OSBPL10: variants seen among roughly 807,000 people sequenced by gnomAD.
OSBPL10 encodes the protein oxysterol binding protein like 10.
In OSBPL10, 49 loss-of-function variants were observed where a neutral mutation model predicts 81.7. That is an observed-to-expected ratio of 0.60 (90% CI 0.48 to 0.76). OSBPL10 has a LOEUF of 0.76. Ranked by LOEUF, OSBPL10 falls within the 30% of genes least tolerant of loss-of-function variation. The pLI, the probability that OSBPL10 is intolerant of heterozygous loss-of-function variation, is 0.00. For missense variants in OSBPL10, 923 were observed against 987.8 expected, an observed-to-expected ratio of 0.93 and a Z score of 0.88; for synonymous variants, 419 against 383.6, an observed-to-expected ratio of 1.09 and a Z score of -1.08.
At chr3:31,803,547 C>T (rs1183358944) in intron 4 of OSBPL10, among the ~76,000 whole-genome samples, 3 of 152,148 alleles carry the variant, frequency 2.0e-5, no homozygotes, top group Non-Finnish European at 4.4e-5. Context: ...TTTTTGTATA[C>T]CCTTTGCGCA....
chr3:32,005,481 A>G (rs1364731473), intron 2 of OSBPL10, among the ~76,000 whole-genome samples: 2 of 152,118 alleles, frequency 1.3e-5, no homozygotes, highest in Non-Finnish European at 2.9e-5. Context: ...ACCCAGGAGT[A>G]GGCTAAATAA....
At chr3:31,892,115 C>T (rs1436913408) in intron 1 of OSBPL10, among the ~76,000 whole-genome samples, 1 of 151,706 alleles carries the variant, frequency 6.6e-6, no homozygotes, top group African/African-American at 2.4e-5. Context: ...TGTCTGGAGA[C>T]GGAGGAACTG....
At chr3:31,865,852 T>C (rs979122463) in intron 3 of OSBPL10, among the ~76,000 whole-genome samples, 1 of 152,234 alleles carries the variant, frequency 6.6e-6, no homozygotes, top group Non-Finnish European at 1.5e-5. Context: ...TTGGGTGTTG[T>C]TTTGAGTAGA....
chr3:31,991,692 C>T (rs1396603860), intron 2 of OSBPL10: 1 of 161,588 alleles, frequency 6.2e-6, no homozygotes, highest in African/African-American at 2.4e-5. Flanking sequence ...CAAACAAATA[C>T]AATTTTACTT....
At chr3:32,068,407 C>G (rs1345579276) in intron 1 of OSBPL10, among the ~76,000 whole-genome samples, 1 of 152,128 alleles carries the variant, frequency 6.6e-6, no homozygotes, top group Non-Finnish European at 1.5e-5. Context: ...CCCAGGGCTG[C>G]TCCCCACCCC....
chr3:31,820,757 T>G (rs1699964601), intron 4 of OSBPL10, among the ~76,000 whole-genome samples: 1 of 152,142 alleles, frequency 6.6e-6, no homozygotes, highest in Non-Finnish European at 1.5e-5. Flanking sequence ...CCCCCTTGCT[T>G]CTGCTTTGGG....
At chr3:31,683,114 A>G (rs970180803) in intron 8 of OSBPL10, among the ~76,000 whole-genome samples, 2 of 152,238 alleles carry the variant, frequency 1.3e-5, no homozygotes, top group African/African-American at 4.8e-5. Flanking sequence ...CTATTTGCTA[A>G]AATAAGAATG....
intron 3 of OSBPL10, among the ~76,000 whole-genome samples, chr3:31,832,365 T>A (rs1700266536): frequency 6.6e-6 from 1 of 152,208 alleles, no homozygotes; most frequent in Admixed American, 6.5e-5. Context: ...ACGTATGTAT[T>A]CCCTATTGAA....
intron 3 of OSBPL10, among the ~76,000 whole-genome samples, chr3:31,838,508 C>CAAAAAA (rs60893746): frequency 1.0e-5 from 1 of 95,708 alleles, no homozygotes; most frequent in Non-Finnish European, 2.0e-5. Flanking sequence ...AAGACTCTGT[C>CAAAAAA]AAAAAAAAAA....
intron 1 of OSBPL10, among the ~76,000 whole-genome samples, chr3:31,941,058 T>C (rs1349379015): frequency 6.6e-6 from 1 of 152,178 alleles, no homozygotes; most frequent in South Asian, 2.1e-4. Flanking sequence ...GAATGGTAAA[T>C]GTACTCAACG....
At chr3:31,698,569 A>T (rs1471206169) in intron 7 of OSBPL10, among the ~76,000 whole-genome samples, 1 of 152,170 alleles carries the variant, frequency 6.6e-6, no homozygotes, top group East Asian at 1.9e-4. Context: ...ACAATATCCT[A>T]AACGGCCCTA....
intron 4 of OSBPL10, among the ~76,000 whole-genome samples, chr3:31,769,996 T>G (rs1698329083): frequency 6.6e-6 from 1 of 152,174 alleles, no homozygotes; most frequent in African/African-American, 2.4e-5. Context: ...ATGACAAGGT[T>G]CTGCCTGTAC....
In OSBPL10 at chr3:31,840,038, G is replaced by C. The variant is rs141227197; in HGVS notation, c.538-9807C>G. On this transcript the variant is annotated intron_variant, in intron 3 of 11. Transcript: ENST00000396556. ...AAAATTATATTACTACTGCCCTGAA[G>C]ATGGGCTTTTCATGATTTATTCTAT... 4.1e-3 allele frequency among the ~76,000 whole-genome samples: 625 copies of C among 151,162 alleles called. 6 individuals carry two copies. Among genetic ancestry groups the C allele is most frequent in the African/African-American group, 0.014 (592 of 41,322 alleles).
intron 2 of OSBPL10, among the ~76,000 whole-genome samples, chr3:32,010,359 G>C (rs974708169): frequency 5.3e-5 from 8 of 152,082 alleles, no homozygotes; most frequent in African/African-American, 1.9e-4. Flanking sequence ...TTTTTTCATG[G>C]CAGCCCTAGC....
At chr3:31,812,774 GA>G (rs1268171090) in intron 4 of OSBPL10, among the ~76,000 whole-genome samples, 4 of 37,282 alleles carry the variant, frequency 1.1e-4, no homozygotes, top group Admixed American at 4.1e-4. Flanking sequence ...AAGAAAGAAA[GA>G]AAGAAAGAAA....
At chr3:31,923,978 G>A (rs62243044) in intron 1 of OSBPL10, among the ~76,000 whole-genome samples, 17,384 of 152,116 alleles carry the variant, frequency 0.11, 1,126 homozygotes, top group Middle Eastern at 0.17. Flanking sequence ...CAGCACTTTA[G>A]GAGGCTGAGG....
chr3:31,955,931 G>T (rs1047612100), intron 1 of OSBPL10, among the ~76,000 whole-genome samples: 1 of 151,502 alleles, frequency 6.6e-6, no homozygotes, highest in Non-Finnish European at 1.5e-5. Flanking sequence ...TGATTCCTTG[G>T]AGCAGTTATA....
chr3:31,781,475 A>G (rs961198080), intron 4 of OSBPL10, among the ~76,000 whole-genome samples: 3 of 152,174 alleles, frequency 2.0e-5, no homozygotes, highest in Non-Finnish European at 4.4e-5. Context: ...CAATCAGACA[A>G]GGGAAAGAAA....
chr3:32,028,843 TC>T (rs1699439477), intron 2 of OSBPL10, among the ~76,000 whole-genome samples: 1 of 151,820 alleles, frequency 6.6e-6, no homozygotes, highest in Admixed American at 6.6e-5. Flanking sequence ...TGAATATTTG[TC>T]CCCTCCAAAA....
Sources: gnomAD v4.1 joint callset for allele counts (sites outside exome capture counted in the v4.1 genomes callset) on GRCh38, gnomAD v4.1.1 for gene constraint, MANE v1.5 for transcripts, NCBI Gene and HGNC (gene_info 2026-07-23, HGNC 2026-07-21) for gene names.